ZNF804B: variants seen among roughly 807,000 people sequenced by gnomAD.
ZNF804B encodes the protein zinc finger 804B.
ZNF804B carries 80 observed loss-of-function variants against 101.4 expected under a neutral mutation model. That is an observed-to-expected ratio of 0.79 (90% CI 0.66 to 0.95). ZNF804B has a LOEUF of 0.95. ZNF804B is among the 40% of genes least tolerant of loss of function. The probability of loss-of-function intolerance (pLI) is 0.00; values close to 1 mark genes in which losing one functional copy is unlikely to be tolerated. For synonymous variants in ZNF804B, 622 were observed against 558.8 expected (o/e 1.11, Z -1.59); for missense variants, 1,673 against 1,561.9 (o/e 1.07, Z -1.20).
chr7:89,085,467 C>G (rs2116318244), intron 1 of ZNF804B, among the ~76,000 whole-genome samples: 1 of 151,806 alleles, frequency 6.6e-6, no homozygotes, highest in African/African-American at 2.4e-5. Flanking sequence ...TTTTTTTCTG[C>G]TTTTAATTGC....
At chr7:88,799,329 T>C (rs536156280) in intron 1 of ZNF804B, among the ~76,000 whole-genome samples, 1 of 151,470 alleles carries the variant, frequency 6.6e-6, no homozygotes, top group Non-Finnish European at 1.5e-5. Flanking sequence ...ATATGATAGA[T>C]AGAATCTTTT....
chr7:89,270,775 C>T (rs1481334088), intron 2 of ZNF804B, among the ~76,000 whole-genome samples: 1 of 152,104 alleles, frequency 6.6e-6, no homozygotes, highest in East Asian at 1.9e-4. Flanking sequence ...TTGAAGAGGT[C>T]CTTCACCTCC....
In ZNF804B at chr7:89,335,542, T is replaced by C. The variant is rs1327717960; in HGVS notation, c.2560T>C (p.Leu854=). 1.1e-5 allele frequency: 18 copies of C among 1,613,906 alleles called. No homozygotes were observed. The highest frequency in any genetic ancestry group is 1.5e-5 in the Non-Finnish European group (18 of 1,179,946). ...TTGCCAGGGAACTCAGCACGACAGATTGGACTCTTACTCAATAGAGAAAAT... is the reference window on the plus strand; with the variant it reads ...TTGCCAGGGAACTCAGCACGACAGACTGGACTCTTACTCAATAGAGAAAAT... ...PNCQGTQHDR[L]DSYSIEKMYY... is the part of the protein sequence containing the mutation. Residue 854 remains leucine, a synonymous_variant, in exon 4 of 4, where the codon TTG becomes CTG. Transcript: ENST00000333190.
intron 1 of ZNF804B, among the ~76,000 whole-genome samples, chr7:89,079,001 T>C (rs2116309866): frequency 6.6e-6 from 1 of 152,216 alleles, no homozygotes; most frequent in South Asian, 2.1e-4. Context: ...CATGCTTTTA[T>C]ACTTCTAATT....
chr7:89,270,179 A>G (rs1297605992), intron 2 of ZNF804B, among the ~76,000 whole-genome samples: 71 of 152,160 alleles, frequency 4.7e-4, no homozygotes, highest in Non-Finnish European at 2.2e-4. Flanking sequence ...GTTTTCTTCT[A>G]GGGTTTGTAT....
intron 2 of ZNF804B, among the ~76,000 whole-genome samples, chr7:89,262,259 A>G (rs758369795): frequency 2.0e-5 from 3 of 152,144 alleles, no homozygotes; most frequent in African/African-American, 7.2e-5. Context: ...GGGAAGTTTC[A>G]TGTCTTTCGT....
intron 2 of ZNF804B, among the ~76,000 whole-genome samples, chr7:89,324,486 C>T (rs1449666625): frequency 6.6e-6 from 1 of 151,576 alleles, no homozygotes; most frequent in Non-Finnish European, 1.5e-5. Flanking sequence ...CAAATGAATA[C>T]TCTCTGTCTT....
At chr7:89,208,652 A>G (rs986578110) in intron 1 of ZNF804B, among the ~76,000 whole-genome samples, 1 of 152,118 alleles carries the variant, frequency 6.6e-6, no homozygotes, top group Non-Finnish European at 1.5e-5. Context: ...GCTGAGGAAG[A>G]TGAAATTGGT....
intron 1 of ZNF804B, among the ~76,000 whole-genome samples, chr7:89,169,099 C>T (rs763055302): frequency 4.6e-5 from 7 of 152,104 alleles, no homozygotes; most frequent in Non-Finnish European, 7.4e-5. Flanking sequence ...GGAACAATTG[C>T]GAACCTTTAG....
chr7:89,292,382 CAAA>C (rs1053260671), intron 2 of ZNF804B, among the ~76,000 whole-genome samples: 1 of 151,880 alleles, frequency 6.6e-6, no homozygotes, highest in Non-Finnish European at 1.5e-5. Flanking sequence ...TAAATAGAAA[CAAA>C]AAAGTTACAA....
Position 89,334,908 on chromosome 7 carries a change from C to A in ZNF804B, c.1926C>A (p.Cys642Ter). 6.2e-7 allele frequency: 1 copy of A among 1,613,836 alleles called. No individual in the cohort carries two copies. The highest frequency in any genetic ancestry group is 8.5e-7 in the Non-Finnish European group (1 of 1,179,866). ...TTAAAAAGCATAAATTGATTCCCTG[C>A]AGTCCTCATTTGGAATTTGAAGATG... ...SRFKKHKLIP[C>*]SPHLEFEDER... is the part of the protein sequence containing the mutation. The change falls in exon 4 of 4, where the codon TGC (cysteine) becomes TGA (stop). Residue 642 changes from cysteine (C) to a stop codon, truncating the protein, a stop_gained. Coordinates refer to ENST00000333190, the MANE Select transcript of ZNF804B (RefSeq NM_181646.5). LOFTEE classifies it high-confidence loss of function.
intron 1 of ZNF804B, among the ~76,000 whole-genome samples, chr7:89,051,457 G>A (rs1309361982): frequency 6.6e-6 from 1 of 152,052 alleles, no homozygotes; most frequent in Non-Finnish European, 1.5e-5. Flanking sequence ...TCAAGTGCTG[G>A]ATTTTATTGT....
At chr7:88,813,286 G>T (rs1408703612) in intron 1 of ZNF804B, among the ~76,000 whole-genome samples, 2 of 151,684 alleles carry the variant, frequency 1.3e-5, no homozygotes, top group East Asian at 3.9e-4. Context: ...AATTAGCCAG[G>T]CGTGGTGGCG....
intron 1 of ZNF804B, among the ~76,000 whole-genome samples, chr7:88,870,184 A>C (rs2115876714): frequency 6.6e-6 from 1 of 151,390 alleles, no homozygotes; most frequent in African/African-American, 2.4e-5. Flanking sequence ...CAGGAGATCG[A>C]GACCATCCTG....
chr7:89,327,553 C>T (rs1790914287), intron 3 of ZNF804B, 79 bp downstream of exon 3: 4 of 1,532,250 alleles, frequency 2.6e-6, no homozygotes, highest in South Asian at 1.3e-5. Context: ...TCTACTGTAA[C>T]AATGTAAACA....
At chr7:88,989,463 T>G (rs1793811714) in intron 1 of ZNF804B, among the ~76,000 whole-genome samples, 1 of 152,130 alleles carries the variant, frequency 6.6e-6, no homozygotes, top group African/African-American at 2.4e-5. Context: ...AACTATACCA[T>G]TCTTCTAAAG....
chr7:89,012,640 C>G (rs971615099), intron 1 of ZNF804B, among the ~76,000 whole-genome samples: 3 of 152,162 alleles, frequency 2.0e-5, no homozygotes, highest in Non-Finnish European at 2.9e-5. Flanking sequence ...ACTTCATTGT[C>G]CATATCACTA....
chr7:88,817,260 T>C (rs1003008281), intron 1 of ZNF804B, among the ~76,000 whole-genome samples: 5 of 152,002 alleles, frequency 3.3e-5, no homozygotes, highest in Non-Finnish European at 5.9e-5. Flanking sequence ...AGGGATAGCA[T>C]TGGGAGATAT....
At chr7:88,896,218 TAG>T (rs1441596867) in intron 1 of ZNF804B, among the ~76,000 whole-genome samples, 1 of 152,150 alleles carries the variant, frequency 6.6e-6, no homozygotes, top group Non-Finnish European at 1.5e-5. Context: ...AAATGAAGCA[TAG>T]AGTTTAGTTC....
Sources: gnomAD v4.1 joint callset for allele counts (sites outside exome capture counted in the v4.1 genomes callset) on GRCh38, gnomAD v4.1.1 for gene constraint, MANE v1.5 for transcripts, NCBI Gene and HGNC (gene_info 2026-07-23, HGNC 2026-07-21) for gene names.